ACSL1: variants seen among roughly 807,000 people sequenced by gnomAD.
ACSL1 encodes the protein acyl-CoA synthetase long chain family member 1.
A neutral mutation model predicts 98.4 loss-of-function variants in ACSL1; 41 were observed. The observed-to-expected ratio is 0.42, with a 90% CI of 0.32 to 0.54. ACSL1 has a LOEUF of 0.54. ACSL1 is among the 20% of genes least tolerant of loss of function. The probability of loss-of-function intolerance (pLI) is 0.13; values close to 1 mark genes in which losing one functional copy is unlikely to be tolerated. For missense variants in ACSL1, 734 were observed against 883.1 expected (o/e 0.83, Z 2.14); for synonymous variants, 316 against 322.7 (o/e 0.98, Z 0.22).
intron 1 of ACSL1, among the ~76,000 whole-genome samples, chr4:184,822,686 G>A (rs1029363801): frequency 6.6e-6 from 1 of 151,922 alleles, no homozygotes; most frequent in Non-Finnish European, 1.5e-5. Flanking sequence ...AGGCTGCAAC[G>A]AGCCATGATC....
At chr4:184,812,968 T>G (rs1209662883) in intron 1 of ACSL1, among the ~76,000 whole-genome samples, 1 of 152,124 alleles carries the variant, frequency 6.6e-6, no homozygotes, top group Non-Finnish European at 1.5e-5. Flanking sequence ...ACAGAGCTAG[T>G]GGGCGGCCAC....
intron 2 of ACSL1, among the ~76,000 whole-genome samples, chr4:184,801,967 T>G (rs1770601106): frequency 6.6e-6 from 1 of 152,210 alleles, no homozygotes; most frequent in Non-Finnish European, 1.5e-5. Context: ...CCAACAACTC[T>G]TCATGGAGAT....
At chr4:184,800,398 C>T (rs1770280933) in intron 2 of ACSL1, among the ~76,000 whole-genome samples, 1 of 152,168 alleles carries the variant, frequency 6.6e-6, no homozygotes, top group Admixed American at 6.5e-5. Flanking sequence ...TCCGACCAAT[C>T]CGAAAAGGTT....
rs1015424463 is a variant in ACSL1 at position 184,784,224 on chromosome 4, G to T, written c.311-233C>A. Among the ~76,000 whole-genome samples, 3 of 152,052 alleles carry T rather than the reference G, an allele frequency of 2.0e-5. No individual in the cohort carries two copies. The East Asian group carries it at 5.8e-4, about 29-fold the overall frequency. ...AGTGGGGCAGGAGAGGGGGACAGAG[G>T]GGAGAAAAGGCAATATCCAACTCTT... is the stretch of plus-strand genomic sequence containing the variant. On this transcript the variant is annotated intron_variant, in intron 3 of 20. Transcript: ENST00000281455.
rs72705299 is a variant in ACSL1, at chr4:184,825,341, T to C, written c.-33+575A>G. On this transcript the variant is annotated intron_variant, in intron 1 of 20. Transcript: ENST00000281455. This position sits in a 1 kb window ranked among gnomAD's most constrained non-coding sequence, Gnocchi z 4.7. ...GGCCAAGTGCAAGGGCCACGGGCAC[T>C]CCTCTGGAGTCACCGAGAGAATGTC... The C allele has an allele frequency of 0.046, 31,039 of 679,880 alleles. 782 individuals are homozygous for C. The highest frequency in any genetic ancestry group is 0.055 in the Middle Eastern group (73 of 1,326). The allele number at this position is 679,880 out of a possible 1,614,324, so 42.1% of individuals were successfully genotyped here. A position where few individuals can be genotyped will look rare whatever the true frequency, so the allele number is the denominator to read the frequency against.
chr4:184,776,924 A>T lies in ACSL1; in HGVS notation c.537T>A (p.Asp179Glu). 1 of 1,614,232 alleles carries T rather than the reference A, an allele frequency of 6.2e-7. No individual in the cohort carries two copies. Residue 179 changes from aspartate (D) to glutamate (E), a missense_variant, in exon 6 of 21, where the codon GAT (aspartate) becomes GAA (glutamate). Asp to Glu is a conservative substitution (Grantham distance 45). Transcript: ENST00000281455. ...AYSMVIVPLY[D>E]TLGNEAITYI... ...ACGTGATGGCTTCATTTCCAAGGGTATCATAAAGTGGAACGATCACCATCG... is the reference window on the plus strand; with the variant it reads ...ACGTGATGGCTTCATTTCCAAGGGTTTCATAAAGTGGAACGATCACCATCG...
Position 184,757,308 on chromosome 4 carries a change from G to A in ACSL1, c.1957-43C>T, listed in dbSNP as rs1762243237. 1 of 1,565,116 alleles carries A rather than the reference G, an allele frequency of 6.4e-7. No individual in the cohort carries two copies. The highest frequency in any genetic ancestry group is 8.7e-7 in the Non-Finnish European group (1 of 1,148,720). Reference sequence around the variant, plus strand: ...AGTTAAAAGAGGAAAAAGGACACGGGCCACCAGTCTCAAAAGCACGTAAGC... The same window carrying A: ...AGTTAAAAGAGGAAAAAGGACACGGACCACCAGTCTCAAAAGCACGTAAGC... On this transcript the variant is annotated intron_variant, in intron 20 of 20. Transcript: ENST00000281455. The surrounding 1 kb of genome is among the most constrained non-coding windows in gnomAD (Gnocchi z 4.5).
chr4:184,765,995 G>A lies in ACSL1; in HGVS notation c.1264-9C>T. The stretch of plus-strand genomic sequence containing the variant: ...CTTCCGCCCAGGCTCGACTTTCAGG[G>A]AGGGAGAGTGGGAGAAGGTGAGGGT... On this transcript the variant is annotated splice_polypyrimidine_tract_variant and intron_variant, in intron 13 of 20. Coordinates refer to ENST00000281455, the MANE Select transcript of ACSL1 (RefSeq NM_001995.5). 1 of 1,613,312 alleles carries A rather than the reference G, an allele frequency of 6.2e-7. No individual in the cohort carries two copies. Among genetic ancestry groups the A allele is most frequent in the Non-Finnish European group, 8.5e-7 (1 of 1,179,660 alleles).
intron 17 of ACSL1, among the ~76,000 whole-genome samples, chr4:184,761,074 A>G (rs1035895232): frequency 1.3e-5 from 2 of 152,020 alleles, no homozygotes; most frequent in Admixed American, 1.3e-4. Flanking sequence ...CGTAAGCAAA[A>G]CCCTAGTCCC....
chr4:184,803,944 C>G lies in ACSL1; in HGVS notation c.-32-398G>C, dbSNP rs141575795. 4.7e-3 allele frequency among the ~76,000 whole-genome samples: 719 copies of G among 152,304 alleles called. 5 individuals are homozygous for G. The highest frequency in any genetic ancestry group is 7.6e-3 in the Non-Finnish European group (514 of 68,026). On this transcript the variant is annotated intron_variant, in intron 1 of 20. Transcript: ENST00000281455. This position sits in a 1 kb window ranked among gnomAD's most constrained non-coding sequence, Gnocchi z 4.8. Reference sequence around the variant, plus strand: ...AAACACTCGACTCTCATTGTCAAGGCTAATGGGAATATGAGTGAAGGGGAA... The same window carrying G: ...AAACACTCGACTCTCATTGTCAAGGGTAATGGGAATATGAGTGAAGGGGAA...
chr4:184,780,403 C>G lies in ACSL1; in HGVS notation c.406G>C (p.Ala136Pro). Residue 136 changes from alanine to proline, a missense_variant, in exon 5 of 21, where the codon GCA (alanine) becomes CCA (proline). Physicochemically the swap from Ala to Pro is conservative, Grantham distance 27. Transcript: ENST00000281455. The part of the protein sequence containing the change: ...VAELSECIGS[A>P]LIQKGFKTAP... ...GTCTTGAAGCCCTTCTGGATCAGTG[C>G]TGAGCCTATGCACTCCGACAATTCT... The G allele has an allele frequency of 1.2e-6, 2 of 1,613,412 alleles. No homozygotes were observed. The highest frequency in any genetic ancestry group is 1.7e-6 in the Non-Finnish European group (2 of 1,179,880).
At chr4:184,768,230 A>T in intron 12 of ACSL1, 86 bp downstream of exon 12, 1 of 1,407,852 alleles carries the variant, frequency 7.1e-7, no homozygotes, top group Non-Finnish European at 9.6e-7. Context: ...GGTCATACAG[A>T]TGGCACATGG....
intron 1 of ACSL1, among the ~76,000 whole-genome samples, chr4:184,823,862 G>A (rs892758117): frequency 1.3e-5 from 2 of 152,160 alleles, no homozygotes; most frequent in African/African-American, 4.8e-5. Flanking sequence ...CATACACCAT[G>A]CATGCTGGTA....
chr4:184,777,281 A>C (rs1267792293), intron 5 of ACSL1, among the ~76,000 whole-genome samples: 1 of 152,186 alleles, frequency 6.6e-6, no homozygotes, highest in African/African-American at 2.4e-5. Flanking sequence ...CCAGCCTGGG[A>C]AACATGGCAA....
chr4:184,801,397 C>T (rs1373052103), intron 2 of ACSL1, among the ~76,000 whole-genome samples: 1 of 152,118 alleles, frequency 6.6e-6, no homozygotes, highest in African/African-American at 2.4e-5. Context: ...CTGGCAAACC[C>T]TGCTTACTTG....
chr4:184,789,000 T>C (rs1301194425), intron 2 of ACSL1, among the ~76,000 whole-genome samples: 1 of 152,196 alleles, frequency 6.6e-6, no homozygotes, highest in Non-Finnish European at 1.5e-5. Context: ...TAAATACACA[T>C]AATTTGTATT....
intron 1 of ACSL1, among the ~76,000 whole-genome samples, chr4:184,823,320 C>T (rs1231080148): frequency 6.6e-6 from 1 of 152,200 alleles, no homozygotes; most frequent in African/African-American, 2.4e-5. Context: ...ACTGCATCAT[C>T]CAAACAAGAC....
At position 184,773,141 on chromosome 4, in the gene ACSL1, T is replaced by C. The variant is rs755270767; in HGVS notation, c.855A>G (p.Gly285=). Reference sequence around the variant, plus strand: ...CTATGTTTCGGTGAGTGACCATTGCTCCTTTGGGGTTGCCTGTGGAGCACA... The same window carrying C: ...CTATGTTTCGGTGAGTGACCATTGCCCCTTTGGGGTTGCCTGTGGAGCACA... ...FTSGTTGNPK[G]AMVTHRNIVS... Residue 285 remains glycine (G), a synonymous_variant, in exon 10 of 21, where the codon GGA becomes GGG. Transcript: ENST00000281455. This position sits in a 1 kb window ranked among gnomAD's most constrained non-coding sequence, Gnocchi z 4.3. 4 of 1,613,820 alleles carry C rather than the reference T, an allele frequency of 2.5e-6. No individual in the cohort carries two copies. The Admixed American group carries it at 5.0e-5, about 20-fold the overall frequency.
At position 184,766,886 on chromosome 4, in the gene ACSL1, C is replaced by T. The variant is rs572632285; in HGVS notation, c.1129-130G>A. ...GGCACAGCTGCTCTGACAGCCTGGCCGGTCCTCTAACGGCCCCACATGGTC... is the reference window on the plus strand; with the variant it reads ...GGCACAGCTGCTCTGACAGCCTGGCTGGTCCTCTAACGGCCCCACATGGTC... On this transcript the variant is annotated intron_variant, in intron 12 of 20. Coordinates refer to ENST00000281455, the MANE Select transcript of ACSL1 (RefSeq NM_001995.5). This position sits in a 1 kb window ranked among gnomAD's most constrained non-coding sequence, Gnocchi z 4.8. The T allele has an allele frequency of 1.7e-5, 19 of 1,097,430 alleles. No individual in the cohort carries two copies. The highest frequency in any genetic ancestry group is 5.2e-5 in the East Asian group (2 of 38,276). 68.0% of individuals were successfully genotyped at this position (1,097,430 alleles called of 1,614,324 possible).
Sources: allele counts gnomAD v4.1 joint callset (sites outside exome capture counted in the v4.1 genomes callset), GRCh38; gene constraint gnomAD v4.1.1; non-coding constraint Gnocchi (gnomAD v3.1); transcripts MANE v1.5; gene names NCBI Gene and HGNC (gene_info 2026-07-23, HGNC 2026-07-21).